Variants in PLCXD3 observed in about 807,000 individuals in gnomAD.
PLCXD3 encodes PI-PLC X domain-containing protein 3.
PLCXD3 carries 19 observed loss-of-function variants against 25.5 expected under a neutral mutation model. That is an observed-to-expected ratio of 0.75 (90% CI 0.52 to 1.09). The LOEUF (loss-of-function observed/expected upper bound fraction) is 1.09, where lower values mean the gene tolerates loss of function less well. PLCXD3 is among the 50% of genes least tolerant of loss of function. PLCXD3 has a pLI of 0.00. For synonymous variants in PLCXD3, 174 were observed against 137.6 expected, an observed-to-expected ratio of 1.26 and a Z score of -1.85; for missense variants, 411 against 388.1, an observed-to-expected ratio of 1.06 and a Z score of -0.50.
rs572839800 is a variant in PLCXD3, at chr5:41,454,574, C to T, written c.103+55850G>A. ...CTTTCACCCTGGTGATGAGTTTTAACGTGAACTTTTGGGGGGATGCAAACA... is the reference window on the plus strand; with the variant it reads ...CTTTCACCCTGGTGATGAGTTTTAATGTGAACTTTTGGGGGGATGCAAACA... On this transcript the variant is annotated intron_variant, in intron 1 of 2. Coordinates refer to ENST00000377801, the MANE Select transcript of PLCXD3 (RefSeq NM_001005473.3). Among the ~76,000 whole-genome samples, 14 of 152,028 alleles carry T rather than the reference C, an allele frequency of 9.2e-5. No homozygotes were observed. In the East Asian group the frequency reaches 2.1e-3, roughly 23 times the overall value.
chr5:41,318,966 A>C (rs542378794), intron 2 of PLCXD3, among the ~76,000 whole-genome samples: 54 of 152,350 alleles, frequency 3.5e-4, no homozygotes, highest in African/African-American at 1.2e-3. Flanking sequence ...GAGTTGCTAT[A>C]CTTATATCAG....
intron 1 of PLCXD3, among the ~76,000 whole-genome samples, chr5:41,488,318 C>G (rs1221312408): frequency 1.5e-5 from 2 of 131,744 alleles, no homozygotes; most frequent in East Asian, 4.2e-4. Flanking sequence ...TTTCTTAATC[C>G]AGTCTATCAT....
At chr5:41,352,104 A>C (rs936058449) in intron 2 of PLCXD3, among the ~76,000 whole-genome samples, 5 of 151,648 alleles carry the variant, frequency 3.3e-5, no homozygotes, top group Admixed American at 2.6e-4. Flanking sequence ...TCACCCACAT[A>C]TTTGAAATTA....
At chr5:41,471,224 C>A (rs1748150038) in intron 1 of PLCXD3, among the ~76,000 whole-genome samples, 1 of 152,178 alleles carries the variant, frequency 6.6e-6, no homozygotes, top group Admixed American at 6.5e-5. Context: ...GGTGAGCCAT[C>A]ACAGTAACTG....
intron 1 of PLCXD3, among the ~76,000 whole-genome samples, chr5:41,408,529 C>T (rs1395635189): frequency 2.6e-5 from 4 of 152,110 alleles, no homozygotes; most frequent in Admixed American, 2.6e-4. Flanking sequence ...TGAATACTTT[C>T]CTGTCACATA....
At chr5:41,315,500 C>T (rs557617316) in intron 2 of PLCXD3, among the ~76,000 whole-genome samples, 2 of 152,050 alleles carry the variant, frequency 1.3e-5, no homozygotes, top group African/African-American at 2.4e-5. Context: ...GAACAGAAGG[C>T]TCCGCATACC....
At chr5:41,405,796 T>C (rs1222010158) in intron 1 of PLCXD3, among the ~76,000 whole-genome samples, 1 of 152,132 alleles carries the variant, frequency 6.6e-6, no homozygotes. Flanking sequence ...TTGTTTTGTT[T>C]ACCATTTCCA....
intron 1 of PLCXD3, among the ~76,000 whole-genome samples, chr5:41,388,287 T>C (rs1476898104): frequency 1.3e-5 from 2 of 152,192 alleles, no homozygotes; most frequent in East Asian, 3.9e-4. Flanking sequence ...CACTTACAAT[T>C]AGGCAGTGGA....
In PLCXD3 at chr5:41,459,808, T is replaced by C. The variant is rs190378806; in HGVS notation, c.103+50616A>G. ...GATTTATATCACTTCTTGCAAACTT[T>C]CTTTTGTACCCAACTTAAGGATTGC... On this transcript the variant is annotated intron_variant, in intron 1 of 2. Transcript: ENST00000377801. Among the ~76,000 whole-genome samples the C allele has an allele frequency of 5.9e-3, 898 of 152,026 alleles. 13 individuals are homozygous for C. The highest frequency in any genetic ancestry group is 0.021 in the African/African-American group (865 of 41,518).
At chr5:41,322,468 A>T (rs1475772456) in intron 2 of PLCXD3, among the ~76,000 whole-genome samples, 2 of 152,232 alleles carry the variant, frequency 1.3e-5, no homozygotes, top group Non-Finnish European at 2.9e-5. Flanking sequence ...GGGAATGTAC[A>T]TTAGTACAAC....
chr5:41,366,172 T>G (rs1744932702), intron 2 of PLCXD3, among the ~76,000 whole-genome samples: 1 of 151,850 alleles, frequency 6.6e-6, no homozygotes, highest in Non-Finnish European at 1.5e-5. Flanking sequence ...AATTCCCACC[T>G]GAGTGAGAAC....
At chr5:41,489,153 G>A (rs1032528865) in intron 1 of PLCXD3, among the ~76,000 whole-genome samples, 84 of 151,802 alleles carry the variant, frequency 5.5e-4, no homozygotes, top group Non-Finnish European at 1.0e-3. Flanking sequence ...CATATGGCTA[G>A]CCAGTTTTCC....
At chr5:41,339,297 G>C (rs1561237556) in intron 2 of PLCXD3, among the ~76,000 whole-genome samples, 3 of 152,052 alleles carry the variant, frequency 2.0e-5, no homozygotes, top group African/African-American at 7.2e-5. Flanking sequence ...CTAAGGAATG[G>C]GAGCAGAGGA....
At chr5:41,475,036 C>G (rs968566344) in intron 1 of PLCXD3, among the ~76,000 whole-genome samples, 1 of 152,206 alleles carries the variant, frequency 6.6e-6, no homozygotes. Context: ...AATTTTCATC[C>G]TCCCTTTCCT....
At position 41,381,908 on chromosome 5, in the gene PLCXD3, T is replaced by TA. The variant is rs772732391; in HGVS notation, c.729dup (p.Ile244TyrfsTer11). ...TTGGGGGTCAGCACCACCTGAGATA[T>TA]AAAAAACGATCCCTTCTTTCTTCTC... On this transcript the variant is annotated frameshift_variant, in exon 2 of 3. Transcript: ENST00000377801. LOFTEE classifies it high-confidence loss of function. The TA allele has an allele frequency of 7.4e-6, 12 of 1,613,180 alleles. No individual in the cohort carries two copies. Among genetic ancestry groups the TA allele is most frequent in the African/African-American group, 1.3e-5 (1 of 74,806 alleles).
At chr5:41,415,055 T>C (rs1746662004) in intron 1 of PLCXD3, among the ~76,000 whole-genome samples, 1 of 152,192 alleles carries the variant, frequency 6.6e-6, no homozygotes, top group Admixed American at 6.5e-5. Context: ...GGAAAAAACA[T>C]ACTATATGTA....
At chr5:41,436,714 C>A (rs137930214) in intron 1 of PLCXD3, among the ~76,000 whole-genome samples, 196 of 152,254 alleles carry the variant, frequency 1.3e-3, no homozygotes, top group Non-Finnish European at 3.7e-4. Flanking sequence ...GGGCCAAATC[C>A]AGAGCTTGAA....
chr5:41,424,104 T>G (rs957592465), intron 1 of PLCXD3, among the ~76,000 whole-genome samples: 1 of 152,170 alleles, frequency 6.6e-6, no homozygotes, highest in Non-Finnish European at 1.5e-5. Flanking sequence ...GACCAACATC[T>G]CTCCATTCCC....
At chr5:41,437,473 CCTT>C (rs1269354787) in intron 1 of PLCXD3, among the ~76,000 whole-genome samples, 1 of 152,186 alleles carries the variant, frequency 6.6e-6, no homozygotes, top group African/African-American at 2.4e-5. Flanking sequence ...TGAGGGAAGA[CCTT>C]CTTGCAGAGG....
Sources: gnomAD v4.1 joint callset for allele counts (sites outside exome capture counted in the v4.1 genomes callset) on GRCh38, gnomAD v4.1.1 for gene constraint, MANE v1.5 for transcripts, NCBI Gene and HGNC (gene_info 2026-07-23, HGNC 2026-07-21) for gene names.